The following RPE65 variants were observed in gnomAD, a reference collection of about 807,000 sequenced individuals.
RPE65 encodes retinoid isomerohydrolase.
A neutral mutation model predicts 68.5 loss-of-function variants in RPE65; 58 were observed. The observed-to-expected ratio is 0.85, with a 90% CI of 0.69 to 1.05. RPE65 has a LOEUF of 1.05. Ranked by LOEUF, RPE65 falls within the 50% of genes least tolerant of loss-of-function variation. RPE65 has a pLI of 0.00. For synonymous variants in RPE65, 220 were observed against 222.2 expected (o/e 0.99, Z 0.09); for missense variants, 643 against 629.9 (o/e 1.02, Z -0.22).
At chr1:68,435,638 C>A (rs1645857568) in intron 10 of RPE65, among the ~76,000 whole-genome samples, 1 of 152,186 alleles carries the variant, frequency 6.6e-6, no homozygotes, top group Non-Finnish European at 1.5e-5. Context: ...TCTCCCTCTC[C>A]ACCTATCTGT....
At position 68,428,850 on chromosome 1, in the gene RPE65, A is replaced by C. The variant is rs1385046469; in HGVS notation, c.*926T>G. 6.6e-6 allele frequency: 1 copy of C among 152,112 alleles called. No individual in the cohort carries two copies. Among genetic ancestry groups the C allele is most frequent in the East Asian group, 1.9e-4 (1 of 5,196 alleles). 9.4% of individuals were successfully genotyped at this position (152,112 alleles called of 1,614,324 possible). ...TTTTTGTCAATATTTATTTTTAAAC[A>C]ATCTCTGGAAGAAAAGAAATTTAAA... On this transcript the variant is annotated 3_prime_UTR_variant, in exon 14 of 14. Transcript: ENST00000262340.
chr1:68,439,577 G>T lies in RPE65; in HGVS notation c.709C>A (p.Pro237Thr). 6.2e-7 allele frequency: 1 copy of T among 1,613,876 alleles called. No individual in the cohort carries two copies. Among genetic ancestry groups the T allele is most frequent in the East Asian group, 2.2e-5 (1 of 44,874 alleles). The change falls in exon 7 of 14, where the codon CCA (proline) becomes ACA (threonine). Residue 237 changes from proline to threonine, a missense_variant. Pro to Thr is a conservative substitution (Grantham distance 38). Transcript: ENST00000262340. ...TCAAGTTACCTATGAACGTAAGATG[G>T]CTTGAATCGGTCACTGCAGGGGAAT... ...VQFPCSDRFK[P>T]SYVHSFGLTP...
Position 68,431,369 on chromosome 1 carries a change from C to A in RPE65, c.1251G>T (p.Glu417Asp), listed in dbSNP as rs1400815962. 3.1e-6 allele frequency: 5 copies of A among 1,613,868 alleles called. No homozygotes were observed. The highest frequency in any genetic ancestry group is 2.5e-6 in the Non-Finnish European group (3 of 1,179,898). Residue 417 changes from glutamate (E) to aspartate (D), a missense_variant, in exon 12 of 14, where the codon GAG (glutamate) becomes GAT (aspartate). Glu to Asp is a conservative substitution (Grantham distance 45). Coordinates refer to ENST00000262340, the MANE Select transcript of RPE65 (RefSeq NM_000329.3). ...ACTTCTGGTAATTGATTTGAGGAAA[C>A]TCAAATGCTACGAAATAGAGCACAT... ...VLFSGPRQAF[E>D]FPQINYQKYC...
chr1:68,449,800 C>A, intron 1 of RPE65, 95 bp downstream of exon 1: 1 of 1,415,874 alleles, frequency 7.1e-7, no homozygotes, highest in Non-Finnish European at 1.0e-6. Flanking sequence ...CTAAACAGGT[C>A]ATTAATCAAT....
chr1:68,431,525 T>C lies in RPE65; in HGVS notation c.1189A>G (p.Ser397Gly), dbSNP rs749942889. 35 of 1,613,870 alleles carry C rather than the reference T, an allele frequency of 2.2e-5. No homozygotes were observed. In the Admixed American group the frequency reaches 4.2e-4, roughly 19 times the overall value. The change falls in exon 11 of 14, where the codon AGT becomes GGT. Residue 397 changes from serine to glycine, a missense_variant. Transcript: ENST00000262340. ...PNTTATAILC[S>G]DETIWLEPEV... ...GGCTCCAGCCAGATAGTCTCGTCAC[T>C]GCACAGAATTGCAGTGGCAGTTGTA...
At chr1:68,445,934 T>C (rs1645939421) in intron 3 of RPE65, among the ~76,000 whole-genome samples, 1 of 151,988 alleles carries the variant, frequency 6.6e-6, no homozygotes, top group Non-Finnish European at 1.5e-5. Flanking sequence ...GTTTCTCTTC[T>C]ATTATCATGC....
At chr1:68,435,372 T>C (rs981901054) in intron 10 of RPE65, among the ~76,000 whole-genome samples, 2 of 151,582 alleles carry the variant, frequency 1.3e-5, no homozygotes, top group Admixed American at 1.3e-4. Context: ...TAAAATATGA[T>C]TTCCCCCCCT....
chr1:68,437,069 T>C (rs113081587), intron 10 of RPE65, among the ~76,000 whole-genome samples: 7 of 152,342 alleles, frequency 4.6e-5, no homozygotes, highest in Admixed American at 1.3e-4. Context: ...CTGTCTTCCA[T>C]GATGCTGCCA....
chr1:68,446,640 C>T, intron 3 of RPE65, 70 bp downstream of exon 3: 2 of 1,603,274 alleles, frequency 1.2e-6, no homozygotes, highest in Non-Finnish European at 1.7e-6. Context: ...GAGGTGAAAA[C>T]TCACATGGGA....
At chr1:68,435,589 A>G (rs1645857216) in intron 10 of RPE65, among the ~76,000 whole-genome samples, 1 of 152,136 alleles carries the variant, frequency 6.6e-6, no homozygotes, top group Non-Finnish European at 1.5e-5. Context: ...ACTTTTGCCT[A>G]TGTTTCAACC....
At chr1:68,444,741 A>G (rs372810790) in intron 4 of RPE65, 35 bp downstream of exon 4, 246 of 1,613,858 alleles carry the variant, frequency 1.5e-4, no homozygotes, top group Admixed American at 2.5e-4. Flanking sequence ...CTAATATAAA[A>G]TGTCTTGAGT....
chr1:68,432,118 C>A (rs2100808929), intron 10 of RPE65, among the ~76,000 whole-genome samples: 1 of 148,682 alleles, frequency 6.7e-6, no homozygotes, highest in African/African-American at 2.5e-5. Flanking sequence ...TTGTCACACA[C>A]ACATGATTTT....
chr1:68,444,389 A>C (rs745427240), intron 5 of RPE65, 142 bp downstream of exon 5: 86 of 1,040,018 alleles, frequency 8.3e-5, no homozygotes, highest in Non-Finnish European at 1.1e-4. Flanking sequence ...CAATCAGTGC[A>C]GTCCATTTGG....
intron 2 of RPE65, among the ~76,000 whole-genome samples, chr1:68,448,247 G>A (rs1645956402): frequency 6.6e-6 from 1 of 152,106 alleles, no homozygotes; most frequent in Non-Finnish European, 1.5e-5. Flanking sequence ...CTAATAAAAT[G>A]GGCATGAAAC....
intron 10 of RPE65, among the ~76,000 whole-genome samples, chr1:68,437,474 C>T (rs544343146): frequency 5.8e-4 from 89 of 152,278 alleles, no homozygotes; most frequent in African/African-American, 2.1e-3. Flanking sequence ...CATATCTAAG[C>T]CTTTGGTACA....
intron 3 of RPE65, 49 bp downstream of exon 3, chr1:68,446,661 A>G (rs758084677): frequency 1.9e-6 from 3 of 1,613,296 alleles, no homozygotes; most frequent in South Asian, 2.2e-5. Flanking sequence ...GGAGGAGCCA[A>G]GCTAGGCCCT....
intron 10 of RPE65, among the ~76,000 whole-genome samples, chr1:68,434,113 TATACACACACAC>T (rs1557597573): frequency 7.0e-6 from 1 of 143,288 alleles, no homozygotes; most frequent in Non-Finnish European, 1.5e-5. Flanking sequence ...TATATATATA[TATACACACACAC>T]ACACACACAC....
chr1:68,434,902 C>G (rs374025747), intron 10 of RPE65, among the ~76,000 whole-genome samples: 2 of 152,120 alleles, frequency 1.3e-5, no homozygotes, highest in South Asian at 4.1e-4. Context: ...TAACTGGGAC[C>G]TAAGCCCTTT....
intron 2 of RPE65, 104 bp from the exon 3 acceptor site, chr1:68,446,964 C>T: frequency 2.1e-6 from 3 of 1,444,194 alleles, no homozygotes; most frequent in African/African-American, 1.4e-5. Flanking sequence ...GCAGCTTCTT[C>T]CTCATAGAGC....
Sources: gnomAD v4.1 joint callset for allele counts (sites outside exome capture counted in the v4.1 genomes callset) on GRCh38, gnomAD v4.1.1 for gene constraint, MANE v1.5 for transcripts, NCBI Gene and HGNC (gene_info 2026-07-23, HGNC 2026-07-21) for gene names.